LTBP1: variants seen among roughly 807,000 people sequenced by gnomAD.
LTBP1 encodes latent transforming growth factor beta binding protein 1.
A neutral mutation model predicts 207.6 loss-of-function variants in LTBP1; 129 were observed. The observed-to-expected ratio is 0.62, with a 90% confidence interval of 0.54 to 0.72. The LOEUF (loss-of-function observed/expected upper bound fraction) is 0.72, where lower values mean the gene tolerates loss of function less well. Ranked by LOEUF, LTBP1 falls within the 30% of genes least tolerant of loss-of-function variation. The pLI, the probability that LTBP1 is intolerant of heterozygous loss-of-function variation, is 0.00. For missense variants in LTBP1, 2,281 were observed against 2,217.2 expected, an observed-to-expected ratio of 1.03 and a Z score of -0.58; for synonymous variants, 963 against 833.7, an observed-to-expected ratio of 1.16 and a Z score of -2.67.
At chr2:33,121,293 T>C (rs2081101460) in intron 4 of LTBP1, among the ~76,000 whole-genome samples, 1 of 151,018 alleles carries the variant, frequency 6.6e-6, no homozygotes, top group Non-Finnish European at 1.5e-5. Flanking sequence ...TCTTACTGAA[T>C]GAAAATATTT....
chr2:33,199,518 A>G (rs2088965084), intron 7 of LTBP1, among the ~76,000 whole-genome samples: 2 of 152,204 alleles, frequency 1.3e-5, no homozygotes, highest in East Asian at 3.8e-4. Flanking sequence ...AGCCAATATC[A>G]TACTGAATGG....
chr2:33,228,535 T>C (rs1472312467), intron 9 of LTBP1, among the ~76,000 whole-genome samples: 1 of 151,998 alleles, frequency 6.6e-6, no homozygotes, highest in Non-Finnish European at 1.5e-5. Flanking sequence ...TATTGATCAT[T>C]TACTATGGGT....
intron 2 of LTBP1, among the ~76,000 whole-genome samples, chr2:32,966,599 G>T (rs1385724097): frequency 6.6e-6 from 1 of 151,988 alleles, no homozygotes; most frequent in Non-Finnish European, 1.5e-5. Flanking sequence ...AGTGAGTGTT[G>T]GATTTTGTGA....
In LTBP1 at chr2:33,382,074, C is replaced by CTTTTTTTTTTT. The variant is rs70938398; in HGVS notation, c.4712-7082_4712-7072dup. On this transcript the variant is annotated intron_variant, in intron 31 of 33. Transcript: ENST00000404816. ...TACAGCAGTTAGCGCCCTACTGCTT[C>CTTTTTTTTTTT]TTTTTTTTTTTTTTTTTTTTTTTTT... Among the ~76,000 whole-genome samples, 68 of 46,782 alleles carry CTTTTTTTTTTT rather than the reference C, an allele frequency of 1.5e-3. 27 individuals carry two copies. The highest frequency in any genetic ancestry group is 1.9e-3 in the Non-Finnish European group (47 of 24,954). 30.7% of individuals were successfully genotyped at this position (46,782 alleles called of 152,430 possible).
chr2:33,375,386 TC>T lies in LTBP1; in HGVS notation c.4711+9884del, dbSNP rs796481170. Among the ~76,000 whole-genome samples, 4 of 152,282 alleles carry T rather than the reference TC, an allele frequency of 2.6e-5. No individual in the cohort carries two copies. The South Asian group carries it at 8.3e-4, about 32-fold the overall frequency. Reference sequence around the variant, plus strand: ...AAGACAATGAGGGATAGGAGGGTGTTCAGGGAATTGCACAGACCCGAATACC... The same window carrying T: ...AAGACAATGAGGGATAGGAGGGTGTTAGGGAATTGCACAGACCCGAATACC... On this transcript the variant is annotated intron_variant, in intron 31 of 33. Transcript: ENST00000404816.
intron 31 of LTBP1, among the ~76,000 whole-genome samples, chr2:33,384,865 C>T (rs1421411244): frequency 3.3e-5 from 5 of 152,142 alleles, no homozygotes; most frequent in Admixed American, 2.6e-4. Flanking sequence ...CTGCTTGTGG[C>T]TTGGGGTGCC....
chr2:33,265,651 C>A (rs1416470890), intron 15 of LTBP1, among the ~76,000 whole-genome samples: 2 of 151,796 alleles, frequency 1.3e-5, no homozygotes, highest in East Asian at 3.9e-4. Flanking sequence ...CATATATACA[C>A]TGAGAAAATG....
intron 9 of LTBP1, among the ~76,000 whole-genome samples, chr2:33,237,123 C>T (rs1203399104): frequency 6.6e-6 from 1 of 152,044 alleles, no homozygotes; most frequent in Non-Finnish European, 1.5e-5. Flanking sequence ...GAAGCTGGCC[C>T]CAGAGAGCAG....
At position 33,365,352 on chromosome 2, in the gene LTBP1, T is replaced by C. The variant is rs892605296; in HGVS notation, c.4560T>C (p.Asp1520=). 6.2e-7 allele frequency: 1 copy of C among 1,614,180 alleles called. No homozygotes were observed. Among genetic ancestry groups the C allele is most frequent in the South Asian group, 1.1e-5 (1 of 91,084 alleles). ...AESNEQIEET[D]VYQDLCWEHL... is the part of the protein sequence containing the mutation. The stretch of plus-strand genomic sequence containing the variant: ...TTTCAGAACAAATAGAAGAAACTGA[T>C]GTCTACCAAGATTTGTGCTGGGAAC... The change falls in exon 31 of 34, where the codon GAT becomes GAC. Residue 1520 remains aspartate (D), a synonymous_variant. Coordinates refer to ENST00000404816, the MANE Select transcript of LTBP1 (RefSeq NM_206943.4).
intron 26 of LTBP1, among the ~76,000 whole-genome samples, chr2:33,354,492 C>G (rs531582396): frequency 6.6e-6 from 1 of 152,044 alleles, no homozygotes; most frequent in Admixed American, 6.6e-5. Context: ...AAAAAAATAT[C>G]TAGTCAAGTT....
At chr2:33,205,315 T>C (rs2089758920) in intron 7 of LTBP1, among the ~76,000 whole-genome samples, 1 of 152,260 alleles carries the variant, frequency 6.6e-6, no homozygotes, top group Admixed American at 6.5e-5. Context: ...GTTGTTGCTT[T>C]TGTGCCTCGT....
At chr2:33,074,110 G>A (rs918513601) in intron 3 of LTBP1, among the ~76,000 whole-genome samples, 7 of 152,168 alleles carry the variant, frequency 4.6e-5, no homozygotes, top group African/African-American at 9.7e-5. Flanking sequence ...CAGATCGTCC[G>A]AAACTGTATA....
At chr2:33,011,884 G>A (rs1468059290) in intron 2 of LTBP1, among the ~76,000 whole-genome samples, 5 of 151,896 alleles carry the variant, frequency 3.3e-5, no homozygotes, top group African/African-American at 9.7e-5. Context: ...GCTGCTCTGT[G>A]GCAGATTTTA....
chr2:33,079,079 A>G (rs1031910526), intron 3 of LTBP1, among the ~76,000 whole-genome samples: 1 of 151,626 alleles, frequency 6.6e-6, no homozygotes, highest in African/African-American at 2.4e-5. Flanking sequence ...ATATGGTAAT[A>G]TTTCTTTTTA....
At chr2:33,112,037 A>G (rs577661783) in intron 4 of LTBP1, among the ~76,000 whole-genome samples, 4 of 152,346 alleles carry the variant, frequency 2.6e-5, no homozygotes, top group East Asian at 1.9e-4. Flanking sequence ...TAAGGAAAAG[A>G]TGTACTTCTT....
chr2:33,169,364 A>G lies in LTBP1; in HGVS notation c.1202-17492A>G, dbSNP rs988925367. Among the ~76,000 whole-genome samples, 3 of 152,220 alleles carry G rather than the reference A, an allele frequency of 2.0e-5. No homozygotes were observed. In the East Asian group the frequency reaches 5.8e-4, roughly 29 times the overall value. ...CTCCCCCTCTGAAGCCTTCTGTTCA[A>G]AATAGCTGCTTATCTTTAGAAAATA... is the stretch of plus-strand genomic sequence containing the variant. On this transcript the variant is annotated intron_variant, in intron 5 of 33. Transcript: ENST00000404816.
At chr2:33,231,305 G>A (rs774592012) in intron 9 of LTBP1, among the ~76,000 whole-genome samples, 4 of 152,106 alleles carry the variant, frequency 2.6e-5, no homozygotes, top group Non-Finnish European at 4.4e-5. Context: ...TTATGAAACC[G>A]ATACATTGAG....
intron 3 of LTBP1, among the ~76,000 whole-genome samples, chr2:33,023,412 T>C (rs1350426754): frequency 1.3e-5 from 2 of 152,186 alleles, no homozygotes; most frequent in East Asian, 1.9e-4. Context: ...CGGTGTACTT[T>C]AGACAAGAAT....
chr2:33,090,635 G>A (rs1005498168), intron 3 of LTBP1, among the ~76,000 whole-genome samples: 3 of 152,252 alleles, frequency 2.0e-5, no homozygotes, highest in African/African-American at 7.2e-5. Flanking sequence ...CCGTGGTTGT[G>A]TAACTAGGGG....
Sources: gnomAD v4.1 joint callset for allele counts (sites outside exome capture counted in the v4.1 genomes callset) on GRCh38, gnomAD v4.1.1 for gene constraint, MANE v1.5 for transcripts, NCBI Gene and HGNC (gene_info 2026-07-23, HGNC 2026-07-21) for gene names.